FGF13: variants seen among roughly 807,000 people sequenced by gnomAD.
FGF13 encodes the protein fibroblast growth factor homologous factor 2.
In FGF13, 2 loss-of-function variants were observed where a neutral mutation model predicts 19.5. The observed-to-expected ratio is 0.10, with a 90% confidence interval of 0.04 to 0.32. The LOEUF (loss-of-function observed/expected upper bound fraction) is 0.32. FGF13 is among the 10% of genes least tolerant of loss of function. FGF13 has a pLI of 1.00. For synonymous variants in FGF13, 72 were observed against 76.9 expected, an observed-to-expected ratio of 0.94 and a Z score of 0.33; for missense variants, 113 against 192.7, an observed-to-expected ratio of 0.59 and a Z score of 2.45.
At chrX:138,816,648 TAA>T (rs2124052038) in intron 3 of FGF13, among the ~76,000 whole-genome samples, 1 of 112,832 alleles carries the variant, frequency 8.9e-6, no homozygotes, top group South Asian at 3.6e-4. Flanking sequence ...TGTTTTTCTC[TAA>T]GGCAAGCTTG....
At chrX:138,716,341 G>C (rs2090101152), upstream of FGF13, 1 of 112,125 alleles carries the variant, frequency 8.9e-6, no homozygotes, top group Non-Finnish European at 1.9e-5. Context: ...ACCTTTTGTG[G>C]TCTAATTATG....
chrX:139,190,756 CA>C (rs2084321525), intron 1 of FGF13, among the ~76,000 whole-genome samples: 1 of 111,568 alleles, frequency 9.0e-6, no homozygotes, highest in Admixed American at 9.5e-5. Context: ...TATATTTTGC[CA>C]CAGTAAACAT....
At chrX:138,647,694 C>G (rs1254234417) in intron 3 of FGF13, among the ~76,000 whole-genome samples, 2 of 111,834 alleles carry the variant, frequency 1.8e-5, no homozygotes, top group Non-Finnish European at 3.8e-5. Flanking sequence ...AATTACAGTT[C>G]TTTATCAAAA....
At chrX:139,127,407 G>A (rs1283622700) in intron 1 of FGF13, among the ~76,000 whole-genome samples, 4 of 111,682 alleles carry the variant, frequency 3.6e-5, no homozygotes, top group Non-Finnish European at 7.5e-5. Flanking sequence ...AGCTGGGTGA[G>A]GTATCTTTAC....
rs190957763 is a variant in FGF13, at chrX:138,812,215, G to A, written c.217+45297C>T. ...TTTCACTTAGCATAATGTTTTCAAAGTTTATCCATTTGCGGCATGCATAAT... is the reference window on the plus strand; with the variant it reads ...TTTCACTTAGCATAATGTTTTCAAAATTTATCCATTTGCGGCATGCATAAT... On this transcript the variant is annotated intron_variant, in intron 3 of 6. Coordinates refer to the FGF13 transcript ENST00000436198. Among the ~76,000 whole-genome samples the A allele has an allele frequency of 3.6e-5, 4 of 111,634 alleles. No homozygotes were observed. The East Asian group carries it at 1.1e-3, about 32-fold the overall frequency.
chrX:138,921,986 A>C (rs1331420304), intron 1 of FGF13, among the ~76,000 whole-genome samples: 3 of 107,636 alleles, frequency 2.8e-5, no homozygotes, highest in Non-Finnish European at 1.9e-5. Context: ...AAAAAAAAAA[A>C]AACAACAAAA....
At chrX:138,963,019 G>A (rs1423553195) in intron 1 of FGF13, among the ~76,000 whole-genome samples, 4 of 111,168 alleles carry the variant, frequency 3.6e-5, no homozygotes, top group African/African-American at 1.3e-4. Context: ...AAAAAAAAAA[G>A]TGCAGCCATC....
intron 3 of FGF13, among the ~76,000 whole-genome samples, chrX:138,744,975 A>G (rs2090345023): frequency 8.9e-6 from 1 of 111,978 alleles, no homozygotes; most frequent in Admixed American, 9.5e-5. Context: ...AATCTAAACA[A>G]GTGTACACAG....
At chrX:138,858,763 A>AT (rs1556258457) in intron 2 of FGF13, among the ~76,000 whole-genome samples, 57 of 110,677 alleles carry the variant, frequency 5.2e-4, no homozygotes, top group Non-Finnish European at 9.8e-4. Context: ...TGTAAAAAAA[A>AT]AAATAAATAA....
intron 3 of FGF13, among the ~76,000 whole-genome samples, chrX:138,772,851 A>G (rs2090558736): frequency 9.0e-6 from 1 of 110,627 alleles, no homozygotes; most frequent in Non-Finnish European, 1.9e-5. Context: ...TACCTTTCAT[A>G]TGATTAGCTC....
intron 1 of FGF13, among the ~76,000 whole-genome samples, chrX:139,077,527 C>CA (rs2083340752): frequency 9.0e-6 from 1 of 111,456 alleles, no homozygotes. Context: ...AGCACGGTGC[C>CA]AGGCACAGCA....
intron 1 of FGF13, among the ~76,000 whole-genome samples, chrX:138,730,069 A>G (rs1304226116): frequency 8.9e-6 from 1 of 112,089 alleles, no homozygotes; most frequent in Non-Finnish European, 1.9e-5. Flanking sequence ...AAGGAAAATT[A>G]TATCACATAA....
intron 1 of FGF13, among the ~76,000 whole-genome samples, chrX:139,105,661 GC>G (rs1303723826): frequency 8.9e-6 from 1 of 111,951 alleles, no homozygotes; most frequent in Non-Finnish European, 1.9e-5. Context: ...CACATAGTAA[GC>G]AAACAATAAA....
downstream of FGF13, among the ~76,000 whole-genome samples, chrX:138,853,622 T>TGTGTGTGC (rs2124133095): frequency 1.9e-5 from 1 of 53,544 alleles, no homozygotes; most frequent in East Asian, 8.4e-4. Context: ...TGCGTGTGCG[T>TGTGTGTGC]GTGTGTGTGT....
chrX:139,185,761 T>A (rs2084277869), intron 1 of FGF13, among the ~76,000 whole-genome samples: 1 of 112,221 alleles, frequency 8.9e-6, no homozygotes, highest in South Asian at 3.7e-4. Context: ...TAAAAGCTAT[T>A]ATCTTGTTAA....
At chrX:138,830,054 G>C (rs753477929) in intron 3 of FGF13, among the ~76,000 whole-genome samples, 2 of 112,332 alleles carry the variant, frequency 1.8e-5, no homozygotes, top group African/African-American at 3.2e-5. Context: ...CCAGTCTGTA[G>C]TAGTTTACTT....
chrX:138,635,342 A>C, intron 4 of FGF13, 115 bp downstream of exon 4: 1 of 714,632 alleles, frequency 1.4e-6, no homozygotes, highest in Non-Finnish European at 2.1e-6. Context: ...AATCACCACT[A>C]AATAGCTTGT....
intron 1 of FGF13, among the ~76,000 whole-genome samples, chrX:138,960,215 T>A (rs899664692): frequency 8.9e-6 from 1 of 111,859 alleles, no homozygotes; most frequent in Non-Finnish European, 1.9e-5. Context: ...AAGGCAGGCC[T>A]GGTGGTGACA....
At chrX:138,823,980 C>T (rs1365766637) in intron 3 of FGF13, among the ~76,000 whole-genome samples, 2 of 111,910 alleles carry the variant, frequency 1.8e-5, no homozygotes, top group African/African-American at 6.5e-5. Flanking sequence ...GTCTCTAGAG[C>T]TCCTTTATCT....
Sources: allele counts gnomAD v4.1 joint callset (sites outside exome capture counted in the v4.1 genomes callset), GRCh38; gene constraint gnomAD v4.1.1; transcripts MANE v1.5; gene names NCBI Gene and HGNC (gene_info 2026-07-23, HGNC 2026-07-21).